The following KCTD2 variants were observed in gnomAD, a reference collection of about 807,000 sequenced individuals.
KCTD2 encodes the protein BTB/POZ domain-containing protein KCTD2.
Under a neutral mutation model 27.9 loss-of-function variants are expected in KCTD2, and 18 were observed. The ratio of observed to expected loss-of-function variants is 0.64; its 90% CI spans 0.45 to 0.96. KCTD2 has a LOEUF of 0.96. Ranked by LOEUF, KCTD2 falls within the 40% of genes least tolerant of loss-of-function variation. The probability of loss-of-function intolerance (pLI) is 0.00; values close to 1 mark genes in which losing one functional copy is unlikely to be tolerated. For missense variants in KCTD2, 280 were observed against 348.0 expected, an observed-to-expected ratio of 0.80 and a Z score of 1.56; for synonymous variants, 175 against 148.4, an observed-to-expected ratio of 1.18 and a Z score of -1.30.
At chr17:75,051,934 C>T (rs1241984562) in intron 2 of KCTD2, among the ~76,000 whole-genome samples, 4 of 152,272 alleles carry the variant, frequency 2.6e-5, no homozygotes, top group Middle Eastern at 3.4e-3. Flanking sequence ...GCATGCAAGT[C>T]TTTAAATGGT....
chr17:75,049,784 A>C (rs2073265883), intron 2 of KCTD2, among the ~76,000 whole-genome samples: 1 of 152,164 alleles, frequency 6.6e-6, no homozygotes, highest in South Asian at 2.1e-4. Flanking sequence ...CTTCCCTGTA[A>C]ATGTTTGCAG....
intron 3 of KCTD2, chr17:75,039,368 T>A: frequency 9.2e-7 from 1 of 1,083,008 alleles, no homozygotes; most frequent in Non-Finnish European, 1.4e-6. Flanking sequence ...CCTGCTGTCC[T>A]ATTGCTCTAT....
chr17:75,034,445 C>T (rs915905537), intron 2 of KCTD2, among the ~76,000 whole-genome samples: 1 of 152,194 alleles, frequency 6.6e-6, no homozygotes, highest in African/African-American at 2.4e-5. Flanking sequence ...CCAGGTGGGA[C>T]TCGAACCCAC....
rs940987502 is a variant in KCTD2, at chr17:75,064,690, A to G, written c.*1643A>G. ...TACACACCTATGCGCCACATTTTAC[A>G]GCTGTAAAGTGTTAGATGAACTGCC... On this transcript the variant is annotated 3_prime_UTR_variant, in exon 6 of 6. Coordinates refer to ENST00000322444, the MANE Select transcript of KCTD2 (RefSeq NM_015353.3). The G allele has an allele frequency of 5.3e-5, 8 of 152,212 alleles. No homozygotes were observed. The highest frequency in any genetic ancestry group is 1.7e-4 in the African/African-American group (7 of 41,446). 9.4% of individuals were successfully genotyped at this position (152,212 alleles called of 1,614,324 possible). A position where few individuals can be genotyped will look rare whatever the true frequency, so the allele number is the denominator to read the frequency against.
Position 75,047,475 on chromosome 17 carries a change from G to A in KCTD2, c.225G>A (p.Arg75=), listed in dbSNP as rs1460525623. The change falls in exon 1 of 6, where the codon AGG becomes AGA. Residue 75 remains arginine, a synonymous_variant. Coordinates refer to ENST00000322444, the MANE Select transcript of KCTD2 (RefSeq NM_015353.3). ...GCGGCGGCGCGGCCCGCTGGGTCAGGCTGAACGTGGGAGGCACCTACTTCG... is the reference window on the plus strand; with the variant it reads ...GCGGCGGCGCGGCCCGCTGGGTCAGACTGAACGTGGGAGGCACCTACTTCG... The part of the protein sequence containing the change: ...AGGGGAARWV[R]LNVGGTYFVT... 6 of 1,591,892 alleles carry A rather than the reference G, an allele frequency of 3.8e-6. No homozygotes were observed. In the African/African-American group the frequency reaches 4.1e-5, roughly 11 times the overall value.
At chr17:75,059,849 C>T (rs931529776) in intron 4 of KCTD2, among the ~76,000 whole-genome samples, 1 of 152,174 alleles carries the variant, frequency 6.6e-6, no homozygotes, top group Non-Finnish European at 1.5e-5. Context: ...GGGGAGCCAA[C>T]GAGCAGTTTA....
upstream of KCTD2, among the ~76,000 whole-genome samples, chr17:75,045,080 G>A (rs909187840): frequency 1.7e-4 from 26 of 152,200 alleles, no homozygotes; most frequent in African/African-American, 6.0e-4. Context: ...GAGTACAAAA[G>A]AGAGAAATTT....
chr17:75,044,306 C>T (rs2073190878), upstream of KCTD2, among the ~76,000 whole-genome samples: 1 of 113,752 alleles, frequency 8.8e-6, no homozygotes, highest in South Asian at 2.9e-4. Flanking sequence ...CCCGGGTTCA[C>T]GCCATTCTCC....
chr17:75,050,271 G>A (rs2073270920), intron 2 of KCTD2, among the ~76,000 whole-genome samples: 1 of 151,690 alleles, frequency 6.6e-6, no homozygotes, highest in East Asian at 1.9e-4. Context: ...TATTTATGGG[G>A]TACATGAGAT....
At chr17:75,059,685 A>G in intron 4 of KCTD2, 80 bp downstream of exon 4, 1 of 1,093,858 alleles carries the variant, frequency 9.1e-7, no homozygotes, top group South Asian at 1.4e-5. Flanking sequence ...GTGGATGGCC[A>G]ATTAATAACC....
At chr17:75,036,106 T>G (rs1174113228) in intron 3 of KCTD2, 2 of 449,594 alleles carry the variant, frequency 4.4e-6, no homozygotes, top group Non-Finnish European at 8.9e-6. Flanking sequence ...CAGGGTGGAG[T>G]GCAGTAGCGT....
chr17:75,041,477 T>G (rs1276429995), intron 3 of KCTD2: 3 of 148,532 alleles, frequency 2.0e-5, no homozygotes, highest in Admixed American at 6.7e-5. Context: ...AACGAAAATT[T>G]ATCAGGTGTG....
chr17:75,035,836 C>A (rs2144904105), intron 3 of KCTD2, among the ~76,000 whole-genome samples: 1 of 151,260 alleles, frequency 6.6e-6, no homozygotes, highest in Non-Finnish European at 1.5e-5. Flanking sequence ...CGTCTCAAAA[C>A]AAACAAACAA....
chr17:75,062,917 CAG>C, intron 5 of KCTD2, 99 bp from the exon 6 acceptor site: 1 of 1,273,846 alleles, frequency 7.9e-7, no homozygotes, highest in Non-Finnish European at 1.1e-6. Flanking sequence ...CCTGGGATGA[CAG>C]GACCATCATG....
At chr17:75,057,228 A>G (rs1247788740) in intron 3 of KCTD2, among the ~76,000 whole-genome samples, 1 of 152,182 alleles carries the variant, frequency 6.6e-6, no homozygotes, top group Non-Finnish European at 1.5e-5. Flanking sequence ...TGCTGGGATT[A>G]CAGGCGTGAG....
intron 5 of KCTD2, among the ~76,000 whole-genome samples, chr17:75,062,699 A>AACACACACACACACACACACAC (rs10533801): frequency 0.012 from 1,389 of 116,050 alleles, 97 homozygotes; most frequent in Middle Eastern, 0.032. Context: ...CCTCACCCCC[A>AACACACACACACACACACACAC]ACACACACAC....
Position 75,032,840 on chromosome 17 carries a change from A to T in KCTD2, c.-470+116A>T, listed in dbSNP as rs558278949. 1 of 152,456 alleles carries T rather than the reference A, an allele frequency of 6.6e-6. No homozygotes were observed. Among genetic ancestry groups the T allele is most frequent in the East Asian group, 1.9e-4 (1 of 5,186 alleles). 9.4% of individuals were successfully genotyped at this position (152,456 alleles called of 1,614,324 possible). A position where few individuals can be genotyped will look rare whatever the true frequency, so the allele number is the denominator to read the frequency against. Reference sequence around the variant, plus strand: ...GCCCTGGGGCAGAGTGCTGGATCCCAGCAACGGACAAGTTAGTTAACTTAA... The same window carrying T: ...GCCCTGGGGCAGAGTGCTGGATCCCTGCAACGGACAAGTTAGTTAACTTAA... On this transcript the variant is annotated intron_variant, in intron 1 of 7. Coordinates refer to the KCTD2 transcript ENST00000581589. This position sits in a 1 kb window ranked among gnomAD's most constrained non-coding sequence, Gnocchi z 4.8.
At chr17:75,036,894 G>A (rs921915185) in intron 3 of KCTD2, among the ~76,000 whole-genome samples, 1 of 152,084 alleles carries the variant, frequency 6.6e-6, no homozygotes, top group Non-Finnish European at 1.5e-5. Context: ...CAGTTTTGGG[G>A]GGAGTAGACT....
intron 3 of KCTD2, chr17:75,038,901 C>A (rs1037935558): frequency 6.3e-7 from 1 of 1,599,660 alleles, no homozygotes; most frequent in South Asian, 1.1e-5. Context: ...ATGTGTAATA[C>A]AAGGGCCAGA....
Sources: allele counts gnomAD v4.1 joint callset (sites outside exome capture counted in the v4.1 genomes callset), GRCh38; gene constraint gnomAD v4.1.1; non-coding constraint Gnocchi (gnomAD v3.1); transcripts MANE v1.5; gene names NCBI Gene and HGNC (gene_info 2026-07-23, HGNC 2026-07-21).